The following NHSL1 variants were observed in gnomAD, a reference collection of about 807,000 sequenced individuals.
The protein encoded by NHSL1 is NHS-like protein 1.
In NHSL1, 48 loss-of-function variants were observed where a neutral mutation model predicts 95.0. The observed-to-expected ratio is 0.51, with a 90% CI of 0.40 to 0.64. The LOEUF is 0.64. Among genes scored for constraint, NHSL1 ranks in the 30% least tolerant of loss-of-function variants. The pLI is 0.00. For synonymous variants in NHSL1, 783 were observed against 833.9 expected (o/e 0.94, Z 1.05); for missense variants, 1,971 against 2,077.7 (o/e 0.95, Z 1.00).
intron 1 of NHSL1, among the ~76,000 whole-genome samples, chr6:138,618,612 C>T (rs555845832): frequency 6.6e-6 from 1 of 152,154 alleles, no homozygotes; most frequent in East Asian, 1.9e-4. Context: ...TAAATGAACA[C>T]ATTTAACTAT....
intron 1 of NHSL1, among the ~76,000 whole-genome samples, chr6:138,515,673 G>A (rs1302053745): frequency 6.6e-6 from 1 of 152,186 alleles, no homozygotes; most frequent in African/African-American, 2.4e-5. Context: ...TCTATTGGAC[G>A]GAAGAAGACA....
intron 2 of NHSL1, among the ~76,000 whole-genome samples, chr6:138,478,616 C>A (rs1779234155): frequency 6.6e-6 from 1 of 152,150 alleles, no homozygotes; most frequent in African/African-American, 2.4e-5. Context: ...AAACACTGAA[C>A]TGAGAGAGTA....
intron 1 of NHSL1, among the ~76,000 whole-genome samples, chr6:138,591,335 A>G (rs1784222822): frequency 1.3e-5 from 2 of 152,238 alleles, no homozygotes; most frequent in Non-Finnish European, 2.9e-5. Flanking sequence ...CTGCAGTTGA[A>G]TTCAGGTACC....
At chr6:138,443,786 C>T (rs140012432) in intron 4 of NHSL1, among the ~76,000 whole-genome samples, 1,543 of 152,228 alleles carry the variant, frequency 0.01, 17 homozygotes, top group Non-Finnish European at 0.01. Context: ...GCCGAGATTG[C>T]GCCACTGCAT....
chr6:138,633,042 G>A (rs1016173698), intron 1 of NHSL1, among the ~76,000 whole-genome samples: 1 of 151,984 alleles, frequency 6.6e-6, no homozygotes, highest in African/African-American at 2.4e-5. Context: ...AAATTCTGGA[G>A]ATAAAAAATG....
At chr6:138,434,691 A>G (rs1417750431) in intron 5 of NHSL1, among the ~76,000 whole-genome samples, 1 of 152,226 alleles carries the variant, frequency 6.6e-6, no homozygotes, top group African/African-American at 2.4e-5. Flanking sequence ...AAAAGTATCT[A>G]TCTCAACACG....
At chr6:138,438,649 C>T (rs1475381371) in intron 5 of NHSL1, among the ~76,000 whole-genome samples, 4 of 151,194 alleles carry the variant, frequency 2.6e-5, no homozygotes, top group Non-Finnish European at 4.4e-5. Context: ...ATTATTTATA[C>T]TTTTTCTTTT....
At chr6:138,496,091 T>C in intron 2 of NHSL1, 128 bp downstream of exon 2, 2 of 1,024,248 alleles carry the variant, frequency 2.0e-6, no homozygotes, top group Non-Finnish European at 2.9e-6. Flanking sequence ...GTATTTATGA[T>C]ATCGTATAAA....
intron 1 of NHSL1, among the ~76,000 whole-genome samples, chr6:138,597,740 A>G (rs1315088295): frequency 6.6e-6 from 1 of 152,250 alleles, no homozygotes; most frequent in African/African-American, 2.4e-5. Flanking sequence ...ATGAAAAGGT[A>G]AAAATGGCCT....
chr6:138,486,574 C>T (rs1053273067), intron 2 of NHSL1, among the ~76,000 whole-genome samples: 2 of 152,056 alleles, frequency 1.3e-5, no homozygotes, highest in Admixed American at 1.3e-4. Context: ...GTAAAGCTTC[C>T]AAGCCTCAAC....
intron 1 of NHSL1, among the ~76,000 whole-genome samples, chr6:138,613,464 T>C (rs1162866444): frequency 6.6e-6 from 1 of 152,196 alleles, no homozygotes; most frequent in Non-Finnish European, 1.5e-5. Flanking sequence ...CTCTTTTTCA[T>C]TTCGTCAACA....
intron 1 of NHSL1, among the ~76,000 whole-genome samples, chr6:138,618,331 C>G (rs922956521): frequency 6.6e-6 from 1 of 152,220 alleles, no homozygotes; most frequent in African/African-American, 2.4e-5. Context: ...GCTCCTCCAA[C>G]TGGTTGTGAC....
rs114505549 is a variant in NHSL1 at position 138,432,494 on chromosome 6, A to G, written c.1851T>C (p.His617=). The change falls in exon 6 of 8, where the codon CAT becomes CAC. Residue 617 remains histidine (H), a synonymous_variant. Coordinates refer to ENST00000343505, the MANE Select transcript of NHSL1 (RefSeq NM_001144060.2). This position sits in a 1 kb window ranked among gnomAD's most constrained non-coding sequence, Gnocchi z 4.4. Reference sequence around the variant, plus strand: ...TGCTATTGCACAGATTCCCAGATCCATGTCCAGAGTCAGTGTGCACAGATG... The same window carrying G: ...TGCTATTGCACAGATTCCCAGATCCGTGTCCAGAGTCAGTGTGCACAGATG... The part of the protein sequence containing the change: ...YCASVHTDSG[H]GSGNLCNSSD... 683 of 1,552,288 alleles carry G rather than the reference A, an allele frequency of 4.4e-4. 5 individuals carry two copies. In the African/African-American group the frequency reaches 8.5e-3, roughly 19 times the overall value.
chr6:138,462,605 CAGA>C (rs768988869), intron 3 of NHSL1, among the ~76,000 whole-genome samples: 7 of 152,152 alleles, frequency 4.6e-5, no homozygotes, highest in South Asian at 2.1e-4. Context: ...GCAAGTGAAG[CAGA>C]AGAAGTTGTG....
chr6:138,464,707 T>TTC (rs1200709327), intron 3 of NHSL1, among the ~76,000 whole-genome samples: 29 of 139,834 alleles, frequency 2.1e-4, no homozygotes, highest in Admixed American at 3.0e-4. Flanking sequence ...CACTTTTTTT[T>TTC]TTCTTTTCTT....
intron 1 of NHSL1, among the ~76,000 whole-genome samples, chr6:138,623,065 GGCA>G (rs1784686565): frequency 6.6e-6 from 1 of 152,238 alleles, no homozygotes; most frequent in African/African-American, 2.4e-5. Flanking sequence ...TAGAAAAAAG[GGCA>G]GCAAGTGATG....
At chr6:138,456,930 C>G (rs1777651140) in intron 3 of NHSL1, among the ~76,000 whole-genome samples, 1 of 151,452 alleles carries the variant, frequency 6.6e-6, no homozygotes, top group African/African-American at 2.4e-5. Context: ...GCCGCCCAGG[C>G]TGGAGTGGAG....
rs6907916 is a variant in NHSL1 at position 138,528,203 on chromosome 6, C to A, written c.16+17420G>T. Among the ~76,000 whole-genome samples the A allele has an allele frequency of 8.1e-3, 1,227 of 152,132 alleles. 17 individuals are homozygous for A. Among genetic ancestry groups the A allele is most frequent in the African/African-American group, 0.028 (1,178 of 41,500 alleles). ...AGCCTAAAATACCAAGATTTTATTTCTTGTATTACTTTTTAAGATATATTC... is the reference window on the plus strand; with the variant it reads ...AGCCTAAAATACCAAGATTTTATTTATTGTATTACTTTTTAAGATATATTC... On this transcript the variant is annotated intron_variant, in intron 1 of 4. Coordinates refer to the NHSL1 transcript ENST00000342260.
In NHSL1 at chr6:138,424,146, T is replaced by C; in HGVS notation, c.4756A>G (p.Thr1586Ala). 1 of 1,441,864 alleles carries C rather than the reference T, an allele frequency of 6.9e-7. No homozygotes were observed. The highest frequency in any genetic ancestry group is 2.5e-5 in the East Asian group (1 of 39,980). 89.3% of individuals were successfully genotyped at this position (1,441,864 alleles called of 1,614,324 possible). A position where few individuals can be genotyped will look rare whatever the true frequency, so the allele number is the denominator to read the frequency against. ...QPQAPGPVDG[T>A]ASAEGREPSP... ...GGCTCTCTGCCCTCTGCACTGGCTG[T>C]CCCATCCACAGGGCCGGGGGCCTGG... Residue 1586 changes from threonine to alanine, a missense_variant, in exon 8 of 8, where the codon ACA becomes GCA. This residue lies in a region of NHSL1 where 223 missense variants were observed against 217.0 expected (regional missense o/e 1.03). Transcript: ENST00000343505. This position sits in a 1 kb window ranked among gnomAD's most constrained non-coding sequence, Gnocchi z 5.9.
Sources: gnomAD v4.1 joint callset for allele counts (sites outside exome capture counted in the v4.1 genomes callset) on GRCh38, gnomAD v4.1.1 for gene constraint, gnomAD v4.1.1 regional missense constraint, Gnocchi (gnomAD v3.1) non-coding constraint, MANE v1.5 for transcripts, NCBI Gene and HGNC (gene_info 2026-07-23, HGNC 2026-07-21) for gene names.